PTPRE: variants seen among roughly 807,000 people sequenced by gnomAD.
PTPRE encodes the protein protein tyrosine phosphatase receptor type E.
Under a neutral mutation model 102.0 loss-of-function variants are expected in PTPRE, and 51 were observed. The observed-to-expected ratio is 0.50, with a 90% CI of 0.40 to 0.63. The LOEUF (loss-of-function observed/expected upper bound fraction) is 0.63. Among genes scored for constraint, PTPRE ranks in the 30% least tolerant of loss-of-function variants. The pLI, the probability that PTPRE is intolerant of heterozygous loss-of-function variation, is 0.00. For missense variants in PTPRE, 752 were observed against 915.1 expected (o/e 0.82, Z 2.30); for synonymous variants, 345 against 348.2 (o/e 0.99, Z 0.10).
At chr10:127,991,100 G>T (rs1852606730) in intron 2 of PTPRE, among the ~76,000 whole-genome samples, 1 of 152,122 alleles carries the variant, frequency 6.6e-6, no homozygotes. Context: ...GGAAACCCTC[G>T]ATATCACTCT....
Position 127,912,254 on chromosome 10 carries a change from C to T in PTPRE, c.-31+4945C>T, listed in dbSNP as rs60032187. Among the ~76,000 whole-genome samples the T allele has an allele frequency of 5.8e-3, 884 of 152,306 alleles. 13 individuals carry two copies. The highest frequency in any genetic ancestry group is 0.02 in the African/African-American group (834 of 41,554). On this transcript the variant is annotated intron_variant, in intron 1 of 20. Coordinates refer to ENST00000254667, the MANE Select transcript of PTPRE (RefSeq NM_006504.6). ...CTTTCTTTCAACTGTATGAATACTT[C>T]AGAGGCTTTGATTGAGCTTAAGAAA...
chr10:127,976,969 C>T (rs112995505), intron 1 of PTPRE, among the ~76,000 whole-genome samples: 10 of 152,178 alleles, frequency 6.6e-5, no homozygotes, highest in African/African-American at 1.4e-4. Flanking sequence ...GCCGTGGCTG[C>T]GGTTCTGTCC....
chr10:128,057,728 A>G (rs1849119564), intron 7 of PTPRE, among the ~76,000 whole-genome samples: 1 of 152,200 alleles, frequency 6.6e-6, no homozygotes. Context: ...CACCAGGAAG[A>G]TGGGTCAGGA....
At chr10:127,958,771 T>C (rs1849579389) in intron 1 of PTPRE, among the ~76,000 whole-genome samples, 1 of 152,218 alleles carries the variant, frequency 6.6e-6, no homozygotes, top group South Asian at 2.1e-4. Context: ...TGATTTAATT[T>C]ATTTCTTAAA....
rs574657068 is a variant in PTPRE, at chr10:128,085,229, G to A, written c.*2323G>A. ...CTGGGCCTTGGAGCACCTCACGCTG[G>A]GGGAATCAATCCCTGAGGGACTCAG... is the stretch of plus-strand genomic sequence containing the variant. On this transcript the variant is annotated 3_prime_UTR_variant, in exon 21 of 21. Transcript: ENST00000254667. 28 of 381,572 alleles carry A rather than the reference G, an allele frequency of 7.3e-5. No homozygotes were observed. Among genetic ancestry groups the A allele is most frequent in the South Asian group, 4.3e-4 (24 of 55,216 alleles). The allele number at this position is 381,572 out of a possible 1,614,324, so 23.6% of individuals were successfully genotyped here.
chr10:128,018,991 A>AATCAAGGACTCC (rs1371328280), intron 2 of PTPRE, among the ~76,000 whole-genome samples: 1 of 152,236 alleles, frequency 6.6e-6, no homozygotes, highest in Non-Finnish European at 1.5e-5. Context: ...ACCACATTGA[A>AATCAAGGACTCC]ATCAAGGACT....
intron 1 of PTPRE, among the ~76,000 whole-genome samples, chr10:127,931,803 TA>T (rs1178478619): frequency 6.6e-6 from 1 of 152,244 alleles, no homozygotes; most frequent in Non-Finnish European, 1.5e-5. Context: ...ATGCACATTT[TA>T]TTACTGTTTA....
rs772803959 is a variant in PTPRE at position 127,944,384 on chromosome 10, G to GTGGA, written c.-31+37102_-31+37105dup. ...GGACGATGGACAGATGGATGGATAT[G>GTGGA]TGGATGGATGGATGGATGGATGGAT... is the stretch of plus-strand genomic sequence containing the variant. On this transcript the variant is annotated intron_variant, in intron 1 of 20. Transcript: ENST00000254667. This position sits in a 1 kb window ranked among gnomAD's most constrained non-coding sequence, Gnocchi z 4.2. Among the ~76,000 whole-genome samples, 89 of 151,626 alleles carry GTGGA rather than the reference G, an allele frequency of 5.9e-4. No individual in the cohort carries two copies. Among genetic ancestry groups the GTGGA allele is most frequent in the East Asian group, 1.7e-3 (9 of 5,166 alleles).
rs199753672 is a variant in PTPRE, at chr10:128,082,193, T to TTCTCTC, written c.2029-636_2029-635insCTCTCT. 1.4e-4 allele frequency among the ~76,000 whole-genome samples: 8 copies of TTCTCTC among 55,578 alleles called. 1 individual carries two copies. Among genetic ancestry groups the TTCTCTC allele is most frequent in the African/African-American group, 4.1e-4 (6 of 14,590 alleles). 36.5% of individuals were successfully genotyped at this position (55,578 alleles called of 152,430 possible). On this transcript the variant is annotated intron_variant, in intron 20 of 20. Coordinates refer to ENST00000254667, the MANE Select transcript of PTPRE (RefSeq NM_006504.6). ...TGTTAGTACTCTGATTTTTTTCTCT[T>TTCTCTC]TCTTTTTTTTTTTTTTTTTTTTTTT...
chr10:127,972,997 T>G (rs1032142282), intron 1 of PTPRE, among the ~76,000 whole-genome samples: 3 of 152,194 alleles, frequency 2.0e-5, no homozygotes, highest in Non-Finnish European at 4.4e-5. Context: ...TCCTTGAGAA[T>G]GATGGATGCA....
At chr10:128,002,448 G>T (rs960711082) in intron 2 of PTPRE, among the ~76,000 whole-genome samples, 4 of 152,042 alleles carry the variant, frequency 2.6e-5, no homozygotes, top group Non-Finnish European at 5.9e-5. Flanking sequence ...CTAATTCCAG[G>T]GGCCCTACCA....
At chr10:128,024,411 C>G (rs1434086881) in intron 2 of PTPRE, among the ~76,000 whole-genome samples, 1 of 152,158 alleles carries the variant, frequency 6.6e-6, no homozygotes, top group Non-Finnish European at 1.5e-5. Context: ...AGCGTGCTTT[C>G]GAGAAGGTTC....
chr10:128,072,372 G>A, intron 16 of PTPRE, 158 bp downstream of exon 16: 1 of 679,390 alleles, frequency 1.5e-6, no homozygotes, highest in Non-Finnish European at 2.4e-6. Flanking sequence ...AAAAAAAGTG[G>A]CAAGGCACGA....
At chr10:128,081,395 G>A (rs930816606) in intron 20 of PTPRE, among the ~76,000 whole-genome samples, 3 of 152,202 alleles carry the variant, frequency 2.0e-5, no homozygotes, top group Admixed American at 1.3e-4. Context: ...GTGACCTGAG[G>A]TGTGGCTTGT....
At chr10:128,055,149 T>C (rs760231212) in intron 6 of PTPRE, among the ~76,000 whole-genome samples, 85 of 152,266 alleles carry the variant, frequency 5.6e-4, no homozygotes, top group Admixed American at 2.5e-3. Flanking sequence ...TGCATGTTAC[T>C]GGAATCCCAG....
At chr10:128,018,758 A>G (rs890978371) in intron 2 of PTPRE, among the ~76,000 whole-genome samples, 18 of 152,192 alleles carry the variant, frequency 1.2e-4, no homozygotes, top group Admixed American at 1.0e-3. Context: ...CAAGACAGCC[A>G]GAAAATGGGG....
intron 2 of PTPRE, among the ~76,000 whole-genome samples, chr10:127,993,909 TG>T (rs1284649835): frequency 6.6e-6 from 1 of 151,878 alleles, no homozygotes; most frequent in African/African-American, 2.4e-5. Context: ...GTTGAGGAGT[TG>T]GGGGAGTCTC....
chr10:128,058,815 C>T (rs1437601874), intron 7 of PTPRE, among the ~76,000 whole-genome samples: 1 of 152,108 alleles, frequency 6.6e-6, no homozygotes, highest in East Asian at 1.9e-4. Flanking sequence ...GACCCAACTT[C>T]CCCAGCCCCT....
intron 2 of PTPRE, among the ~76,000 whole-genome samples, chr10:128,033,339 C>A (rs1846931419): frequency 6.6e-6 from 1 of 152,218 alleles, no homozygotes. Context: ...TCAGATGATG[C>A]CAGTGTTACA....
Sources: allele counts gnomAD v4.1 joint callset (sites outside exome capture counted in the v4.1 genomes callset), GRCh38; gene constraint gnomAD v4.1.1; non-coding constraint Gnocchi (gnomAD v3.1); transcripts MANE v1.5; gene names NCBI Gene and HGNC (gene_info 2026-07-23, HGNC 2026-07-21).